The following RNF19B variants were observed in gnomAD, a reference collection of about 807,000 sequenced individuals.
The protein encoded by RNF19B is ring finger protein 19B, also known as E3 ubiquitin-protein ligase RNF19B.
RNF19B carries 23 observed loss-of-function variants against 65.5 expected under a neutral mutation model. The ratio of observed to expected loss-of-function variants is 0.35; its 90% CI spans 0.25 to 0.50. The LOEUF (loss-of-function observed/expected upper bound fraction) is 0.50. Ranked by LOEUF, RNF19B falls within the 20% of genes least tolerant of loss-of-function variation. The pLI is 0.98. For synonymous variants in RNF19B, 372 were observed against 379.6 expected (o/e 0.98, Z 0.23); for missense variants, 794 against 980.0 (o/e 0.81, Z 2.53).
chr1:32,963,952 G>C, intron 1 of RNF19B, 99 bp downstream of exon 1: 1 of 1,351,400 alleles, frequency 7.4e-7, no homozygotes, highest in Non-Finnish European at 9.5e-7. Context: ...CCGCCTTGCG[G>C]GTTTCCCTGC....
chr1:32,964,491 G>C lies in RNF19B; in HGVS notation c.195C>G (p.Pro65=), dbSNP rs1265704525. 1.6e-5 allele frequency: 15 copies of C among 947,166 alleles called. No individual in the cohort carries two copies. The highest frequency in any genetic ancestry group is 6.4e-5 in the Admixed American group (1 of 15,650). 58.7% of individuals were successfully genotyped at this position (947,166 alleles called of 1,614,324 possible). A position where few individuals can be genotyped will look rare whatever the true frequency, so the allele number is the denominator to read the frequency against. ...EPPPPAAQPP[P]APAPAAAQGP... ...CCTGGGCCGCGGCAGGGGCCGGGGC[G>C]GGCGGCGGCTGCGCAGCCGGGGGCG... Residue 65 remains proline (P), a synonymous_variant, in exon 1 of 9, where the codon CCC becomes CCG. Transcript: ENST00000235150. This position sits in a 1 kb window ranked among gnomAD's most constrained non-coding sequence, Gnocchi z 6.5.
intron 1 of RNF19B, among the ~76,000 whole-genome samples, chr1:32,957,225 G>C (rs542624228): frequency 2.6e-5 from 4 of 151,982 alleles, no homozygotes; most frequent in Non-Finnish European, 4.4e-5. Context: ...GGCTGGTCTC[G>C]AACTCCTGGG....
chr1:32,944,960 T>G lies in RNF19B; in HGVS notation c.1261+554A>C, dbSNP rs557452277. The stretch of plus-strand genomic sequence containing the variant: ...GCCTCGGCCTCCCAAAACACTGGAA[T>G]TACAGGCGTGAGCCACTGCGCCCAG... On this transcript the variant is annotated intron_variant, in intron 5 of 8. Coordinates refer to ENST00000235150, the MANE Select transcript of RNF19B (RefSeq NM_001300826.2). Among the ~76,000 whole-genome samples the G allele has an allele frequency of 1.5e-3, 221 of 152,316 alleles. 1 individual carries two copies. The highest frequency in any genetic ancestry group is 5.1e-3 in the African/African-American group (212 of 41,570).
chr1:32,945,656 C>A, intron 4 of RNF19B, 28 bp from the exon 5 acceptor site: 1 of 1,402,730 alleles, frequency 7.1e-7, no homozygotes, highest in South Asian at 1.2e-5. Flanking sequence ...AAATCCAGGT[C>A]AGCAGGTTAG....
At chr1:32,947,932 T>A (rs1253610648) in intron 3 of RNF19B, among the ~76,000 whole-genome samples, 1 of 151,998 alleles carries the variant, frequency 6.6e-6, no homozygotes, top group Non-Finnish European at 1.5e-5. Flanking sequence ...AGGAGGATAC[T>A]GGAAGGTAGG....
At chr1:32,940,625 T>C (rs1037308781) in intron 7 of RNF19B, among the ~76,000 whole-genome samples, 1 of 152,158 alleles carries the variant, frequency 6.6e-6, no homozygotes, top group South Asian at 2.1e-4. Context: ...GGCATAGAAG[T>C]CTAATCCTTT....
chr1:32,956,882 G>C (rs1456712631), intron 1 of RNF19B, among the ~76,000 whole-genome samples: 1 of 152,220 alleles, frequency 6.6e-6, no homozygotes, highest in South Asian at 2.1e-4. Flanking sequence ...TAGACCCCTA[G>C]TAGGCATCAG....
At chr1:32,939,369 G>T (rs1642179868) in intron 7 of RNF19B, among the ~76,000 whole-genome samples, 1 of 152,040 alleles carries the variant, frequency 6.6e-6, no homozygotes, top group African/African-American at 2.4e-5. Flanking sequence ...TGTATTTTTA[G>T]TAGAGATGGG....
downstream of RNF19B, among the ~76,000 whole-genome samples, chr1:32,935,342 T>A (rs1479586545): frequency 2.0e-5 from 3 of 152,006 alleles, no homozygotes; most frequent in African/African-American, 7.3e-5. Flanking sequence ...TTTCACCATG[T>A]TGGCCAGGCT....
At position 32,953,913 on chromosome 1, in the gene RNF19B, T is replaced by C. The variant is rs1420458991; in HGVS notation, c.636-4139A>G. Among the ~76,000 whole-genome samples the C allele has an allele frequency of 6.1e-5, 9 of 146,678 alleles. 1 individual carries two copies. Among genetic ancestry groups the C allele is most frequent in the African/African-American group, 2.3e-4 (9 of 39,600 alleles). ...CCAGCCCCCACTTCTTTTTTTTTTT[T>C]TTTTTTTTTTTTGAGACGGAGTTTC... On this transcript the variant is annotated intron_variant, in intron 1 of 8. Coordinates refer to ENST00000235150, the MANE Select transcript of RNF19B (RefSeq NM_001300826.2).
At chr1:32,932,108 G>T (rs1642035407), downstream of RNF19B, among the ~76,000 whole-genome samples, 1 of 152,152 alleles carries the variant, frequency 6.6e-6, no homozygotes, top group African/African-American at 2.4e-5. Context: ...GGTAAATTAG[G>T]TGCTTACAAA....
At chr1:32,941,984 C>A (rs1049530647) in intron 7 of RNF19B, among the ~76,000 whole-genome samples, 1 of 152,098 alleles carries the variant, frequency 6.6e-6, no homozygotes, top group Admixed American at 6.6e-5. Context: ...GTAATCCCAG[C>A]TACTCAGTAG....
chr1:32,961,207 G>A (rs749594595), intron 1 of RNF19B, among the ~76,000 whole-genome samples: 15 of 152,134 alleles, frequency 9.9e-5, no homozygotes, highest in South Asian at 2.1e-4. Flanking sequence ...GAAAAATAAC[G>A]TAGGTAGGAG....
chr1:32,935,451 TAC>T (rs1407343679), downstream of RNF19B, among the ~76,000 whole-genome samples: 7 of 152,150 alleles, frequency 4.6e-5, no homozygotes, highest in Admixed American at 2.0e-4. Flanking sequence ...GACATTATTT[TAC>T]ACAGAGGCAA....
At chr1:32,962,744 T>C (rs1043580169) in intron 1 of RNF19B, among the ~76,000 whole-genome samples, 1 of 151,226 alleles carries the variant, frequency 6.6e-6, no homozygotes, top group Admixed American at 6.7e-5. Context: ...CAGCATCTTT[T>C]TGTCGCCAAA....
intron 7 of RNF19B, 125 bp downstream of exon 7, chr1:32,942,127 C>T (rs548027627): frequency 4.7e-6 from 4 of 846,664 alleles, no homozygotes; most frequent in South Asian, 3.6e-5. Context: ...CAAAACAAAA[C>T]AAAACCATTG....
At chr1:32,945,467 A>G (rs761755779) in intron 5 of RNF19B, 47 bp downstream of exon 5, 5 of 1,239,618 alleles carry the variant, frequency 4.0e-6, no homozygotes, top group Non-Finnish European at 5.9e-6. Flanking sequence ...CTAAACTGCT[A>G]TGGTCAGAAA....
intron 3 of RNF19B, 61 bp from the exon 4 acceptor site, chr1:32,946,625 G>A (rs2124138819): frequency 6.9e-7 from 1 of 1,459,634 alleles, no homozygotes; most frequent in Non-Finnish European, 9.4e-7. Context: ...TATTATCATA[G>A]GGCTTGATAA....
At chr1:32,962,347 G>T (rs931230035) in intron 1 of RNF19B, among the ~76,000 whole-genome samples, 6 of 152,128 alleles carry the variant, frequency 3.9e-5, no homozygotes, top group Non-Finnish European at 7.3e-5. Context: ...TAACCTCAGA[G>T]GGCCAGTAAG....
Sources: gnomAD v4.1 joint callset for allele counts (sites outside exome capture counted in the v4.1 genomes callset) on GRCh38, gnomAD v4.1.1 for gene constraint, Gnocchi (gnomAD v3.1) non-coding constraint, MANE v1.5 for transcripts, NCBI Gene and HGNC (gene_info 2026-07-23, HGNC 2026-07-21) for gene names.